LRP1: variants seen among roughly 807,000 people sequenced by gnomAD.
LRP1 encodes prolow-density lipoprotein receptor-related protein 1.
LRP1 carries 51 observed loss-of-function variants against 541.5 expected under a neutral mutation model. That is an observed-to-expected ratio of 0.09 (90% CI 0.08 to 0.12). The LOEUF is 0.12. LRP1 is among the 10% of genes least tolerant of loss of function. The pLI, the probability that LRP1 is intolerant of heterozygous loss-of-function variation, is 1.00. For synonymous variants in LRP1, 2,219 were observed against 2,470.8 expected, an observed-to-expected ratio of 0.90 and a Z score of 3.02; for missense variants, 3,878 against 6,376.2, an observed-to-expected ratio of 0.61 and a Z score of 13.34.
rs367898154 is a variant in LRP1, at chr12:57,205,099, C to T, written c.11195-10C>T. 5.8e-5 allele frequency: 94 copies of T among 1,610,714 alleles called. No individual in the cohort carries two copies. The Middle Eastern group carries it at 9.9e-4, about 17-fold the overall frequency. ...GAATACCCAGGGCCTAAAGCCTCTGCCCTCCTCAGAGCCCCCCACAGCCCA... is the reference window on the plus strand; with the variant it reads ...GAATACCCAGGGCCTAAAGCCTCTGTCCTCCTCAGAGCCCCCCACAGCCCA... On this transcript the variant is annotated splice_polypyrimidine_tract_variant and intron_variant, in intron 72 of 88. Transcript: ENST00000243077. This position sits in a 1 kb window ranked among gnomAD's most constrained non-coding sequence, Gnocchi z 4.6.
In LRP1 at chr12:57,204,429, C is replaced by G; in HGVS notation, c.10971C>G (p.Asp3657Glu). 1 of 1,549,436 alleles carries G rather than the reference C, an allele frequency of 6.5e-7. No individual in the cohort carries two copies. Among genetic ancestry groups the G allele is most frequent in the South Asian group, 1.2e-5 (1 of 80,822 alleles). Residue 3657 changes from aspartate (D) to glutamate (E), a missense_variant, in exon 71 of 89, where the codon GAC becomes GAG. By Grantham distance (45) the Asp-to-Glu change is conservative. Transcript: ENST00000243077. The surrounding 1 kb of genome is among the most constrained non-coding windows in gnomAD (Gnocchi z 5.3). ...CACCAGTGCGGACCTGCCCCCTGGA[C>G]GAGTTCCAGTGCAACAACACCTTGT... ...CGTGVRTCPLDEFQCNNTLCK... is the reference protein window; with the variant it reads ...CGTGVRTCPLEEFQCNNTLCK...
chr12:57,155,855 G>C (rs2035607592), intron 8 of LRP1, among the ~76,000 whole-genome samples: 1 of 152,216 alleles, frequency 6.6e-6, no homozygotes, highest in Admixed American at 6.5e-5. Flanking sequence ...GGAGGCTGAA[G>C]CAGGAGGGCC....
chr12:57,212,477 C>T lies in LRP1; in HGVS notation c.13557C>T (p.His4519=), dbSNP rs1190049529. The change falls in exon 89 of 89, where the codon CAC becomes CAT. Residue 4519 remains histidine, a synonymous_variant. Coordinates refer to ENST00000243077, the MANE Select transcript of LRP1 (RefSeq NM_002332.3). This position sits in a 1 kb window ranked among gnomAD's most constrained non-coding sequence, Gnocchi z 5.0. ...TLYMGGHGSR[H]SLASTDEKRE... ...ACATGGGGGGCCATGGCAGTCGCCA[C>T]TCCCTGGCCAGCACGGACGAGAAGC... 1 of 1,614,012 alleles carries T rather than the reference C, an allele frequency of 6.2e-7. No individual in the cohort carries two copies. The highest frequency in any genetic ancestry group is 1.3e-5 in the African/African-American group (1 of 74,926).
chr12:57,168,165 C>T (rs1210409364), intron 19 of LRP1: 2 of 153,772 alleles, frequency 1.3e-5, no homozygotes, highest in Non-Finnish European at 2.9e-5. Flanking sequence ...ATGGTTGCCC[C>T]GGCGGTTTCT....
rs767257881 is a variant in LRP1 at position 57,144,856 on chromosome 12, C to T, written c.449-116C>T. On this transcript the variant is annotated intron_variant, in intron 4 of 88. Transcript: ENST00000243077. ...CATTTCATGCTGTAATAGATTCTGC[C>T]GAACTGTCCTTCAAGGTAGCTGTAA... The T allele has an allele frequency of 1.1e-4, 111 of 1,047,742 alleles. 1 individual carries two copies. The highest frequency in any genetic ancestry group is 2.8e-4 in the Middle Eastern group (1 of 3,608). 64.9% of individuals were successfully genotyped at this position (1,047,742 alleles called of 1,614,324 possible).
At chr12:57,188,560 A>T (rs1279101344) in intron 42 of LRP1, among the ~76,000 whole-genome samples, 3 of 151,982 alleles carry the variant, frequency 2.0e-5, no homozygotes, top group Non-Finnish European at 2.9e-5. Context: ...CTGTCTGGGG[A>T]TGGCCTCAGA....
chr12:57,193,428 T>G, intron 46 of LRP1, 124 bp downstream of exon 46: 1 of 1,509,804 alleles, frequency 6.6e-7, no homozygotes, highest in South Asian at 1.2e-5. Context: ...TGGGAGCTCA[T>G]GAAGGGCAGA....
In LRP1 at chr12:57,208,019, A is replaced by G; in HGVS notation, c.11860-19A>G. 1 of 1,612,256 alleles carries G rather than the reference A, an allele frequency of 6.2e-7. No individual in the cohort carries two copies. Among genetic ancestry groups the G allele is most frequent in the Middle Eastern group, 1.7e-4 (1 of 6,054 alleles). ...AGGAAGACAAAGCAGTGGCCCCTGA[A>G]CCTGTGGCTTCCATTCAGATTTCAG... On this transcript the variant is annotated intron_variant, in intron 76 of 88. Transcript: ENST00000243077.
At position 57,183,927 on chromosome 12, in the gene LRP1, T is replaced by C. The variant is rs2036217813; in HGVS notation, c.5929+18T>C. The C allele has an allele frequency of 6.2e-7, 1 of 1,613,560 alleles. No homozygotes were observed. The highest frequency in any genetic ancestry group is 1.3e-5 in the African/African-American group (1 of 74,920). Reference sequence around the variant, plus strand: ...GATCGCAGGTGAGCAGTGGGCAGGTTTGTGGGGCTTGGGGTGTGGCAGAGG... The same window carrying C: ...GATCGCAGGTGAGCAGTGGGCAGGTCTGTGGGGCTTGGGGTGTGGCAGAGG... On this transcript the variant is annotated intron_variant, in intron 36 of 88. Coordinates refer to ENST00000243077, the MANE Select transcript of LRP1 (RefSeq NM_002332.3). This position sits in a 1 kb window ranked among gnomAD's most constrained non-coding sequence, Gnocchi z 6.1.
intron 70 of LRP1, chr12:57,203,876 T>G: frequency 1.2e-5 from 3 of 254,042 alleles, no homozygotes; most frequent in Non-Finnish European, 1.5e-5. Flanking sequence ...CCTGCCTATT[T>G]TCCCTTCCTG....
At chr12:57,182,340 G>A (rs183705142) in intron 34 of LRP1, among the ~76,000 whole-genome samples, 3 of 151,916 alleles carry the variant, frequency 2.0e-5, no homozygotes, top group African/African-American at 4.8e-5. Flanking sequence ...GCAAAACTCC[G>A]TCTCTACTAA....
intron 6 of LRP1, 97 bp downstream of exon 6, chr12:57,145,587 G>T: frequency 1.4e-6 from 2 of 1,456,486 alleles, no homozygotes; most frequent in South Asian, 2.5e-5. Flanking sequence ...TACACAGGAT[G>T]GTCCTGTCTG....
At chr12:57,132,230 T>C (rs1294416618) in intron 1 of LRP1, 1 of 152,322 alleles carries the variant, frequency 6.6e-6, no homozygotes, top group East Asian at 1.9e-4. Context: ...GTGTTTCCGG[T>C]GCAATGGCCT....
At position 57,162,688 on chromosome 12, in the gene LRP1, A is replaced by C. The variant is rs2035760438; in HGVS notation, c.2404+170A>C. Among the ~76,000 whole-genome samples, 1 of 151,902 alleles carries C rather than the reference A, an allele frequency of 6.6e-6. No homozygotes were observed. Among genetic ancestry groups the C allele is most frequent in the Non-Finnish European group, 1.5e-5 (1 of 67,964 alleles). Reference sequence around the variant, plus strand: ...AACACAATCTGATTCTCTGTTCCCCATTTCCCTTCCTGCCCCATGTCTGTG... The same window carrying C: ...AACACAATCTGATTCTCTGTTCCCCCTTTCCCTTCCTGCCCCATGTCTGTG... On this transcript the variant is annotated intron_variant, in intron 14 of 88. Coordinates refer to ENST00000243077, the MANE Select transcript of LRP1 (RefSeq NM_002332.3). This position sits in a 1 kb window ranked among gnomAD's most constrained non-coding sequence, Gnocchi z 5.2.
Position 57,195,262 on chromosome 12 carries a change from C to T in LRP1, c.8309-9C>T. The T allele has an allele frequency of 6.2e-7, 1 of 1,613,092 alleles. No individual in the cohort carries two copies. The highest frequency in any genetic ancestry group is 1.1e-5 in the South Asian group (1 of 91,056). Reference sequence around the variant, plus strand: ...CTAAGTCTCTCAGTGGCCCTCTCTCCCCCTACAGAAGGCAAGACGTGCGGC... The same window carrying T: ...CTAAGTCTCTCAGTGGCCCTCTCTCTCCCTACAGAAGGCAAGACGTGCGGC... On this transcript the variant is annotated splice_polypyrimidine_tract_variant and intron_variant, in intron 51 of 88. Coordinates refer to ENST00000243077, the MANE Select transcript of LRP1 (RefSeq NM_002332.3).
Position 57,179,237 on chromosome 12 carries a change from A to G in LRP1, c.4739-92A>G. On this transcript the variant is annotated intron_variant, in intron 28 of 88. Transcript: ENST00000243077. The surrounding 1 kb of genome is among the most constrained non-coding windows in gnomAD (Gnocchi z 6.8). The stretch of plus-strand genomic sequence containing the variant: ...ACGGAGCCAAGGGCCAGTAGCAAAC[A>G]GACGGATCCAGAAGAAGGCAGGGCC... 2.5e-6 allele frequency: 3 copies of G among 1,224,214 alleles called. No homozygotes were observed. Among genetic ancestry groups the G allele is most frequent in the South Asian group, 1.4e-5 (1 of 72,358 alleles). 75.8% of individuals were successfully genotyped at this position (1,224,214 alleles called of 1,614,324 possible). A position where few individuals can be genotyped will look rare whatever the true frequency, so the allele number is the denominator to read the frequency against.
chr12:57,178,180 G>A lies in LRP1; in HGVS notation c.4362-179G>A, dbSNP rs1399605448. On this transcript the variant is annotated intron_variant, in intron 26 of 88. Coordinates refer to ENST00000243077, the MANE Select transcript of LRP1 (RefSeq NM_002332.3). This position sits in a 1 kb window ranked among gnomAD's most constrained non-coding sequence, Gnocchi z 5.8. ...GAGAGGTGAAACCTGGACCTGTTGG[G>A]TTCTCACACCTTGGTCCTTCTGTCT... 6.6e-6 allele frequency among the ~76,000 whole-genome samples: 1 copy of A among 152,102 alleles called. No homozygotes were observed. The highest frequency in any genetic ancestry group is 1.5e-5 in the Non-Finnish European group (1 of 67,990).
In LRP1 at chr12:57,199,198, C is replaced by A. The variant is rs778976113; in HGVS notation, c.9677-14C>A. 6.2e-7 allele frequency: 1 copy of A among 1,611,018 alleles called. No homozygotes were observed. The highest frequency in any genetic ancestry group is 8.5e-7 in the Non-Finnish European group (1 of 1,178,702). On this transcript the variant is annotated splice_polypyrimidine_tract_variant and intron_variant, in intron 60 of 88. Coordinates refer to ENST00000243077, the MANE Select transcript of LRP1 (RefSeq NM_002332.3). ...CCGGCTGACTGGCACTGTGCCTGCC[C>A]CTTGGCCCTGCAGTGCTGAGCCAGG... is the stretch of plus-strand genomic sequence containing the variant.
intron 41 of LRP1, 61 bp from the exon 42 acceptor site, chr12:57,187,206 G>A: frequency 1.3e-6 from 2 of 1,540,294 alleles, no homozygotes; most frequent in Non-Finnish European, 1.8e-6. Flanking sequence ...GTCCCCCACG[G>A]CTCCTGTGCA....
Sources: allele counts gnomAD v4.1 joint callset (sites outside exome capture counted in the v4.1 genomes callset), GRCh38; gene constraint gnomAD v4.1.1; non-coding constraint Gnocchi (gnomAD v3.1); transcripts MANE v1.5; gene names NCBI Gene and HGNC (gene_info 2026-07-23, HGNC 2026-07-21).